Variants in MAF observed in about 807,000 individuals in gnomAD.
The protein encoded by MAF is transcription factor Maf.
Under a neutral mutation model 22.0 loss-of-function variants are expected in MAF, and 10 were observed. The observed-to-expected ratio is 0.45, with a 90% CI of 0.28 to 0.77. MAF has a LOEUF of 0.77. MAF is among the 30% of genes least tolerant of loss of function. MAF has a pLI of 0.12. For synonymous variants in MAF, 337 were observed against 255.8 expected (o/e 1.32, Z -3.03); for missense variants, 544 against 548.4 (o/e 0.99, Z 0.08).
the MAF span, among the ~76,000 whole-genome samples, chr16:79,231,086 C>T: frequency 6.6e-6 from 1 of 151,918 alleles, no homozygotes; most frequent in Non-Finnish European, 1.5e-5. Flanking sequence ...AGTTTTGCCC[C>T]AGGAAAAATG....
chr16:79,219,178 G>C, the MAF span, among the ~76,000 whole-genome samples: 1 of 152,166 alleles, frequency 6.6e-6, no homozygotes, highest in African/African-American at 2.4e-5. Flanking sequence ...GGCTCATTCA[G>C]ATGAGGGAGG....
At chr16:79,554,994 C>G in the MAF span, among the ~76,000 whole-genome samples, 5 of 152,146 alleles carry the variant, frequency 3.3e-5, no homozygotes, top group Non-Finnish European at 7.4e-5. Context: ...TGAGTTCAGT[C>G]TGGTGAAGAA....
At chr16:79,208,917 G>T in the MAF span, among the ~76,000 whole-genome samples, 26 of 152,324 alleles carry the variant, frequency 1.7e-4, no homozygotes, top group Non-Finnish European at 2.9e-4. Flanking sequence ...TCCAGCAAGG[G>T]AGGAAAGTAG....
At chr16:79,577,214 T>C in the MAF span, among the ~76,000 whole-genome samples, 5 of 152,106 alleles carry the variant, frequency 3.3e-5, no homozygotes, top group Non-Finnish European at 7.4e-5. Flanking sequence ...CTAATCACAT[T>C]ATATGCATTT....
At position 79,599,440 on chromosome 16, in the gene MAF, C is replaced by A; in HGVS notation, c.463G>T (p.Glu155Ter). ...ACGGCGGCGGCGGGGCCCATCTCCT[C>A]GCCGCTGCCGCCCAAGGAGGCGCCG... is the stretch of plus-strand genomic sequence containing the variant. ...GAGASLGGSG[E>*]EMGPAAAVVS... The change falls in exon 1 of 2, where the codon GAG becomes TAG. Residue 155 changes from glutamate (E) to a stop codon, truncating the protein, a stop_gained. Transcript: ENST00000326043. LOFTEE classifies it high-confidence loss of function. 1.6e-6 allele frequency: 2 copies of A among 1,241,894 alleles called. No individual in the cohort carries two copies. The highest frequency in any genetic ancestry group is 2.0e-6 in the Non-Finnish European group (2 of 997,710). The allele number at this position is 1,241,894 out of a possible 1,614,324, so 76.9% of individuals were successfully genotyped here.
At chr16:79,377,210 C>A in the MAF span, among the ~76,000 whole-genome samples, 6,569 of 152,102 alleles carry the variant, frequency 0.043, 268 homozygotes, top group East Asian at 0.17. Flanking sequence ...TTTAATGATC[C>A]CCATTCTAAC....
the MAF span, among the ~76,000 whole-genome samples, chr16:79,394,610 G>T: frequency 2.6e-5 from 4 of 152,136 alleles, no homozygotes; most frequent in Non-Finnish European, 1.5e-5. Context: ...GTCAATATCA[G>T]TACTTCCTTC....
At chr16:79,505,716 G>A in the MAF span, 1 of 152,268 alleles carries the variant, frequency 6.6e-6, no homozygotes, top group South Asian at 2.1e-4. Flanking sequence ...AAGGTGAGGC[G>A]ACTGGGGTCT....
At chr16:79,465,124 C>T in the MAF span, among the ~76,000 whole-genome samples, 4,925 of 152,186 alleles carry the variant, frequency 0.032, 99 homozygotes, top group South Asian at 0.053. Flanking sequence ...ATAGTTGTCC[C>T]TGGGTATCTA....
the MAF span, among the ~76,000 whole-genome samples, chr16:79,407,213 G>T: frequency 3.9e-5 from 6 of 152,210 alleles, no homozygotes; most frequent in East Asian, 9.7e-4. Flanking sequence ...TATTAACCTC[G>T]GTGTCCTGGA....
At chr16:79,464,431 T>C in the MAF span, among the ~76,000 whole-genome samples, 1 of 151,256 alleles carries the variant, frequency 6.6e-6, no homozygotes, top group Non-Finnish European at 1.5e-5. Flanking sequence ...TGTCCAAAGA[T>C]TGGACAATGC....
chr16:79,227,413 G>A, the MAF span, among the ~76,000 whole-genome samples: 1 of 152,098 alleles, frequency 6.6e-6, no homozygotes, highest in Non-Finnish European at 1.5e-5. Flanking sequence ...TCATTGCTGT[G>A]TGTGTATGAA....
chr16:79,433,647 C>T, the MAF span, among the ~76,000 whole-genome samples: 5 of 152,006 alleles, frequency 3.3e-5, no homozygotes, highest in South Asian at 2.1e-4. Context: ...TATGTGAAGC[C>T]GGGAGGGAGT....
At chr16:79,272,441 C>T in the MAF span, among the ~76,000 whole-genome samples, 3,679 of 152,336 alleles carry the variant, frequency 0.024, 148 homozygotes, top group African/African-American at 0.083. Flanking sequence ...GTGCGTGTGA[C>T]TCTACGGCCA....
At chr16:79,536,214 G>A in the MAF span, among the ~76,000 whole-genome samples, 1 of 152,218 alleles carries the variant, frequency 6.6e-6, no homozygotes, top group Non-Finnish European at 1.5e-5. Context: ...CAGAGTCCAT[G>A]AAATTTTAGA....
chr16:79,444,260 T>C, the MAF span, among the ~76,000 whole-genome samples: 12 of 152,056 alleles, frequency 7.9e-5, no homozygotes, highest in Non-Finnish European at 1.3e-4. Context: ...AAAATAAAAA[T>C]ATTGATTTTG....
At chr16:79,327,419 G>A in the MAF span, among the ~76,000 whole-genome samples, 1 of 152,038 alleles carries the variant, frequency 6.6e-6, no homozygotes, top group Non-Finnish European at 1.5e-5. Flanking sequence ...TTTTCTCATT[G>A]ATAGTCTCTC....
At chr16:79,228,664 T>A in the MAF span, among the ~76,000 whole-genome samples, 2 of 152,042 alleles carry the variant, frequency 1.3e-5, no homozygotes, top group Non-Finnish European at 2.9e-5. Flanking sequence ...GCATGAAAGA[T>A]AGAGGAAAAG....
chr16:79,391,487 A>G, the MAF span, among the ~76,000 whole-genome samples: 15 of 152,282 alleles, frequency 9.9e-5, no homozygotes, highest in Middle Eastern at 6.8e-3. Context: ...ATGGCAGTTA[A>G]GATTATAATA....
Sources: gnomAD v4.1 joint callset for allele counts (sites outside exome capture counted in the v4.1 genomes callset) on GRCh38, gnomAD v4.1.1 for gene constraint, MANE v1.5 for transcripts, NCBI Gene and HGNC (gene_info 2026-07-23, HGNC 2026-07-21) for gene names.